MACROD1: variants seen among roughly 807,000 people sequenced by gnomAD.
MACROD1 encodes the protein ADP-ribose glycohydrolase MACROD1.
MACROD1 carries 31 observed loss-of-function variants against 41.4 expected under a neutral mutation model. The ratio of observed to expected loss-of-function variants is 0.75; its 90% confidence interval spans 0.56 to 1.01. The LOEUF is 1.01. Among genes scored for constraint, MACROD1 ranks in the 50% least tolerant of loss-of-function variants. The pLI is 0.00. For missense variants in MACROD1, 473 were observed against 460.0 expected (o/e 1.03, Z -0.26); for synonymous variants, 252 against 203.4 (o/e 1.24, Z -2.03).
At chr11:64,133,837 C>T (rs534410107) in intron 3 of MACROD1, among the ~76,000 whole-genome samples, 48 of 152,320 alleles carry the variant, frequency 3.2e-4, no homozygotes, top group African/African-American at 1.1e-3. Flanking sequence ...ATTAATGAAA[C>T]GAATGAATGA....
At chr11:64,132,060 G>C (rs1039180241) in intron 3 of MACROD1, among the ~76,000 whole-genome samples, 2 of 152,184 alleles carry the variant, frequency 1.3e-5, no homozygotes, top group African/African-American at 4.8e-5. Context: ...ACCTTCCCCT[G>C]CTCTGGAGAA....
In MACROD1 at chr11:64,165,794, C is replaced by T. The variant is rs766655775; in HGVS notation, c.201G>A (p.Ala67=). 6.1e-6 allele frequency: 9 copies of T among 1,485,696 alleles called. No homozygotes were observed. In the Admixed American group the frequency reaches 2.3e-4, roughly 38 times the overall value. The allele number at this position is 1,485,696 out of a possible 1,614,324, so 92.0% of individuals were successfully genotyped here. A position where few individuals can be genotyped will look rare whatever the true frequency, so the allele number is the denominator to read the frequency against. ...GCACCCCGGCTGTCCGCCCCACCGCCGCCGCCCCCCACGCCCCAACTCCCG... is the reference window on the plus strand; with the variant it reads ...GCACCCCGGCTGTCCGCCCCACCGCTGCCGCCCCCCACGCCCCAACTCCCG... ...TSAGVGAWGA[A]AVGRTAGVRT... Residue 67 remains alanine (A), a synonymous_variant, in exon 1 of 11, where the codon GCG becomes GCA. Coordinates refer to ENST00000255681, the MANE Select transcript of MACROD1 (RefSeq NM_014067.4).
At chr11:64,121,803 C>T (rs1050976644) in intron 3 of MACROD1, among the ~76,000 whole-genome samples, 7 of 152,158 alleles carry the variant, frequency 4.6e-5, no homozygotes, top group African/African-American at 1.4e-4. Flanking sequence ...ACCTCAGCGG[C>T]CCCAGCACTG....
At chr11:64,110,826 G>A (rs1168163371) in intron 3 of MACROD1, among the ~76,000 whole-genome samples, 1 of 152,142 alleles carries the variant, frequency 6.6e-6, no homozygotes, top group East Asian at 1.9e-4. Context: ...ACACAACAAG[G>A]GAATAAAAAG....
chr11:64,016,464 C>T (rs1178019572), intron 3 of MACROD1, among the ~76,000 whole-genome samples: 2 of 152,260 alleles, frequency 1.3e-5, no homozygotes, highest in South Asian at 4.1e-4. Flanking sequence ...GCTACCCACC[C>T]CATCTGCCCA....
rs79097069 is a variant in MACROD1, at chr11:64,154,059, G to A, written c.299-1666C>T. 1.2e-3 allele frequency among the ~76,000 whole-genome samples: 176 copies of A among 152,158 alleles called. 3 individuals are homozygous for A. In the South Asian group the frequency reaches 0.034, roughly 29 times the overall value. ...TCAAGGTCACCACACCCCATGCAGC[G>A]GCCCCTCCTGCCTTCCCTGTGGACA... On this transcript the variant is annotated intron_variant, in intron 1 of 10. Transcript: ENST00000255681.
Position 64,120,781 on chromosome 11 carries a change from G to A in MACROD1, c.517+30458C>T, listed in dbSNP as rs1408125390. ...GGATGTCTGGGAGGAGAGCGTGCCC[G>A]AGGTGTGCCACGTTGGCACAGGGGA... On this transcript the variant is annotated intron_variant, in intron 3 of 10. Transcript: ENST00000255681. This position sits in a 1 kb window ranked among gnomAD's most constrained non-coding sequence, Gnocchi z 4.5. 5.9e-5 allele frequency among the ~76,000 whole-genome samples: 9 copies of A among 151,960 alleles called. No individual in the cohort carries two copies. The highest frequency in any genetic ancestry group is 3.2e-3 in the Middle Eastern group (1 of 316).
intron 3 of MACROD1, among the ~76,000 whole-genome samples, chr11:64,032,558 C>T (rs972010134): frequency 6.6e-6 from 1 of 152,156 alleles, no homozygotes; most frequent in Non-Finnish European, 1.5e-5. Context: ...TACTGCCCCT[C>T]TGGGAGCCGG....
chr11:64,046,974 C>A (rs1258950426), intron 3 of MACROD1, among the ~76,000 whole-genome samples: 1 of 152,200 alleles, frequency 6.6e-6, no homozygotes, highest in Non-Finnish European at 1.5e-5. Context: ...AGAAGTCCAG[C>A]GCCCTCAGCC....
intron 3 of MACROD1, among the ~76,000 whole-genome samples, chr11:64,150,427 C>T (rs1013671764): frequency 1.2e-4 from 19 of 152,184 alleles, no homozygotes; most frequent in African/African-American, 2.4e-4. Context: ...GAGCCCAAGA[C>T]GAGAGGACCT....
At chr11:64,110,719 G>A (rs1339862569) in intron 3 of MACROD1, among the ~76,000 whole-genome samples, 1 of 152,142 alleles carries the variant, frequency 6.6e-6, no homozygotes, top group East Asian at 1.9e-4. Flanking sequence ...CTCACACCAC[G>A]CTGAAGTCTG....
chr11:64,049,361 G>A (rs900210558), intron 3 of MACROD1, among the ~76,000 whole-genome samples: 2 of 152,228 alleles, frequency 1.3e-5, no homozygotes, highest in South Asian at 2.1e-4. Flanking sequence ...TGTTCACAGC[G>A]GTGCCCACGG....
intron 3 of MACROD1, among the ~76,000 whole-genome samples, chr11:64,130,834 C>G (rs1945255609): frequency 6.6e-6 from 1 of 152,208 alleles, no homozygotes; most frequent in East Asian, 1.9e-4. Flanking sequence ...GGAGTGCTAA[C>G]TGACAGCACA....
intron 3 of MACROD1, among the ~76,000 whole-genome samples, chr11:64,129,190 C>A (rs1404993977): frequency 6.6e-6 from 1 of 152,240 alleles, no homozygotes; most frequent in Non-Finnish European, 1.5e-5. Flanking sequence ...CTTTGGGAAC[C>A]ACTGGATTAA....
chr11:63,998,706 C>T lies in MACROD1; in HGVS notation c.*31-19G>A. ...GGCGGGTCTGAGGGCAGAGCAGAGT[C>T]AGAGGTGTCTATGGGCGTCCCCGAC... On this transcript the variant is annotated intron_variant, in intron 10 of 10. Coordinates refer to ENST00000255681, the MANE Select transcript of MACROD1 (RefSeq NM_014067.4). The T allele has an allele frequency of 7.2e-7, 1 of 1,394,910 alleles. No individual in the cohort carries two copies. Among genetic ancestry groups the T allele is most frequent in the Non-Finnish European group, 9.3e-7 (1 of 1,078,258 alleles). The allele number at this position is 1,394,910 out of a possible 1,614,324, so 86.4% of individuals were successfully genotyped here.
intron 3 of MACROD1, among the ~76,000 whole-genome samples, chr11:64,075,939 G>T (rs1458274902): frequency 1.3e-5 from 2 of 152,248 alleles, no homozygotes; most frequent in Non-Finnish European, 2.9e-5. Flanking sequence ...TTCCCAAAGT[G>T]TTGGGATTGC....
intron 3 of MACROD1, among the ~76,000 whole-genome samples, chr11:64,065,589 A>G (rs1281260407): frequency 6.6e-6 from 1 of 151,582 alleles, no homozygotes; most frequent in Non-Finnish European, 1.5e-5. Flanking sequence ...GGAGATCAAG[A>G]CCATCCTGGC....
intron 3 of MACROD1, among the ~76,000 whole-genome samples, chr11:64,084,142 T>G (rs1013102880): frequency 3.3e-5 from 5 of 152,194 alleles, no homozygotes; most frequent in Admixed American, 2.6e-4. Context: ...TACCTGTACA[T>G]GAGTGCATGG....
chr11:64,112,340 C>T (rs554749185), intron 3 of MACROD1, among the ~76,000 whole-genome samples: 2 of 152,148 alleles, frequency 1.3e-5, no homozygotes, highest in East Asian at 3.9e-4. Flanking sequence ...GGTGAGACCC[C>T]CGTCTCTACT....
Sources: allele counts gnomAD v4.1 joint callset (sites outside exome capture counted in the v4.1 genomes callset), GRCh38; gene constraint gnomAD v4.1.1; non-coding constraint Gnocchi (gnomAD v3.1); transcripts MANE v1.5; gene names NCBI Gene and HGNC (gene_info 2026-07-23, HGNC 2026-07-21).